Variants in FANCC observed in about 807,000 individuals in gnomAD.
FANCC encodes the protein Fanconi anemia group C protein.
Under a neutral mutation model 71.3 loss-of-function variants are expected in FANCC, and 55 were observed. The ratio of observed to expected loss-of-function variants is 0.77; its 90% confidence interval spans 0.62 to 0.97. The LOEUF is 0.97. FANCC is among the 50% of genes least tolerant of loss of function. The pLI is 0.00. For synonymous variants in FANCC, 275 were observed against 244.9 expected (o/e 1.12, Z -1.15); for missense variants, 678 against 670.9 (o/e 1.01, Z -0.12).
chr9:95,188,879 T>G (rs1478768903), intron 4 of FANCC, among the ~76,000 whole-genome samples: 1 of 152,122 alleles, frequency 6.6e-6, no homozygotes, highest in Non-Finnish European at 1.5e-5. Context: ...ATACTCAAAC[T>G]TACAGTATGA....
At chr9:95,108,090 G>A (rs2071598848) in intron 13 of FANCC, among the ~76,000 whole-genome samples, 1 of 152,160 alleles carries the variant, frequency 6.6e-6, no homozygotes, top group African/African-American at 2.4e-5. Context: ...GAATACTTAG[G>A]CCTATTCTGA....
chr9:95,286,287 C>T (rs1389751935), intron 1 of FANCC, among the ~76,000 whole-genome samples: 1 of 152,172 alleles, frequency 6.6e-6, no homozygotes, highest in Non-Finnish European at 1.5e-5. Flanking sequence ...TGTGGTTAAA[C>T]ACAAACTGCC....
At chr9:95,126,407 G>A in intron 9 of FANCC, 122 bp downstream of exon 9, 1 of 965,820 alleles carries the variant, frequency 1.0e-6, no homozygotes, top group South Asian at 1.4e-5. Flanking sequence ...AGGAACAGGA[G>A]GGAATCAGAA....
rs561587896 is a variant in FANCC, at chr9:95,233,751, T to G, written c.345+6898A>C. ...AAGTTGGGGTGTGTACTCCAAGTAGTGCACAAGATAGTCCACTGAGATGTG... is the reference window on the plus strand; with the variant it reads ...AAGTTGGGGTGTGTACTCCAAGTAGGGCACAAGATAGTCCACTGAGATGTG... On this transcript the variant is annotated intron_variant, in intron 4 of 14. Transcript: ENST00000289081. Among the ~76,000 whole-genome samples, 3 of 152,350 alleles carry G rather than the reference T, an allele frequency of 2.0e-5. No individual in the cohort carries two copies. The South Asian group carries it at 6.2e-4, about 32-fold the overall frequency.
intron 1 of FANCC, among the ~76,000 whole-genome samples, chr9:95,252,274 C>CAAA (rs71366284): frequency 4.6e-4 from 23 of 50,142 alleles, no homozygotes; most frequent in East Asian, 2.0e-3. Context: ...GAGACTGATT[C>CAAA]AAAAAAAAAA....
chr9:95,263,087 T>A (rs113785573), intron 1 of FANCC, among the ~76,000 whole-genome samples: 2,714 of 152,268 alleles, frequency 0.018, 103 homozygotes, highest in African/African-American at 0.061. Flanking sequence ...TTAAGATGGT[T>A]ACAATCTTAT....
intron 4 of FANCC, among the ~76,000 whole-genome samples, chr9:95,206,212 G>T (rs1320332649): frequency 6.6e-6 from 1 of 152,162 alleles, no homozygotes; most frequent in Non-Finnish European, 1.5e-5. Flanking sequence ...CAACCTAAAA[G>T]AAATGCTATA....
At chr9:95,252,920 T>G (rs2136122888) in intron 1 of FANCC, among the ~76,000 whole-genome samples, 1 of 151,014 alleles carries the variant, frequency 6.6e-6, no homozygotes, top group South Asian at 2.1e-4. Flanking sequence ...TAGCCATGCA[T>G]AATAGCAGAT....
At chr9:95,227,002 T>G (rs1174120784) in intron 4 of FANCC, among the ~76,000 whole-genome samples, 2 of 152,122 alleles carry the variant, frequency 1.3e-5, no homozygotes, top group African/African-American at 2.4e-5. Context: ...GAGACTGCAG[T>G]GCAGCTAAAC....
chr9:95,108,616 G>A (rs371201077), intron 13 of FANCC, among the ~76,000 whole-genome samples: 1 of 152,146 alleles, frequency 6.6e-6, no homozygotes, highest in Non-Finnish European at 1.5e-5. Context: ...TCAGGAGAAA[G>A]ATAAAAGCTT....
At chr9:95,177,012 T>C (rs1244198781) in intron 4 of FANCC, among the ~76,000 whole-genome samples, 1 of 152,224 alleles carries the variant, frequency 6.6e-6, no homozygotes, top group Non-Finnish European at 1.5e-5. Context: ...AATTCTTAAG[T>C]AATGTTTAAA....
intron 6 of FANCC, among the ~76,000 whole-genome samples, chr9:95,157,241 G>A (rs1830503865): frequency 6.6e-6 from 1 of 152,022 alleles, no homozygotes; most frequent in East Asian, 1.9e-4. Context: ...TATAGAAATT[G>A]ATCTCATAAT....
At chr9:95,289,011 G>A (rs1833854501) in intron 1 of FANCC, among the ~76,000 whole-genome samples, 1 of 152,084 alleles carries the variant, frequency 6.6e-6, no homozygotes, top group Non-Finnish European at 1.5e-5. Flanking sequence ...TGAGGAGGGA[G>A]GGCTGCTTGA....
intron 7 of FANCC, among the ~76,000 whole-genome samples, chr9:95,137,818 C>T (rs909768244): frequency 1.3e-5 from 2 of 152,148 alleles, no homozygotes; most frequent in South Asian, 2.1e-4. Context: ...GCAGAGGACG[C>T]GTCATCAGAG....
chr9:95,195,729 C>T lies in FANCC; in HGVS notation c.346-23582G>A, dbSNP rs560959354. On this transcript the variant is annotated intron_variant, in intron 4 of 14. Coordinates refer to ENST00000289081, the MANE Select transcript of FANCC (RefSeq NM_000136.3). ...AACTGACATCTTTACTAAGTTGAGT[C>T]TTCAATGCATCATCACTAAATATCT... Among the ~76,000 whole-genome samples the T allele has an allele frequency of 5.9e-5, 9 of 152,320 alleles. No individual in the cohort carries two copies. The East Asian group carries it at 1.7e-3, about 29-fold the overall frequency.
chr9:95,218,065 CT>C (rs1349168884), intron 4 of FANCC, among the ~76,000 whole-genome samples: 1 of 152,154 alleles, frequency 6.6e-6, no homozygotes, highest in Non-Finnish European at 1.5e-5. Context: ...TGAATAGAAA[CT>C]ACCTATTTTA....
At chr9:95,236,343 T>G (rs1487439594) in intron 4 of FANCC, among the ~76,000 whole-genome samples, 2 of 152,182 alleles carry the variant, frequency 1.3e-5, no homozygotes, top group South Asian at 4.1e-4. Flanking sequence ...TGGCAAACAG[T>G]AGGTGCTCAA....
intron 1 of FANCC, among the ~76,000 whole-genome samples, chr9:95,292,086 A>G (rs936846196): frequency 6.7e-6 from 1 of 149,806 alleles, no homozygotes; most frequent in Non-Finnish European, 1.5e-5. Flanking sequence ...ACAAAGCTAT[A>G]GTAAGCAAAA....
chr9:95,104,248 G>C (rs117064704), intron 14 of FANCC, among the ~76,000 whole-genome samples: 1,601 of 152,344 alleles, frequency 0.011, 16 homozygotes, highest in Non-Finnish European at 0.019. Context: ...TGTCAATAAA[G>C]ATGGTTTCAA....
Sources: allele counts gnomAD v4.1 joint callset (sites outside exome capture counted in the v4.1 genomes callset), GRCh38; gene constraint gnomAD v4.1.1; transcripts MANE v1.5; gene names NCBI Gene and HGNC (gene_info 2026-07-23, HGNC 2026-07-21).